DSCAM: variants seen among roughly 807,000 people sequenced by gnomAD.
DSCAM encodes the protein cell adhesion molecule DSCAM.
Under a neutral mutation model 217.7 loss-of-function variants are expected in DSCAM, and 47 were observed. That is an observed-to-expected ratio of 0.22 (90% CI 0.17 to 0.28). DSCAM has a LOEUF of 0.28. Among genes scored for constraint, DSCAM ranks in the 10% least tolerant of loss-of-function variants. The pLI, the probability that DSCAM is intolerant of heterozygous loss-of-function variation, is 1.00. For synonymous variants in DSCAM, 1,056 were observed against 1,015.3 expected, an observed-to-expected ratio of 1.04 and a Z score of -0.76; for missense variants, 2,080 against 2,618.3, an observed-to-expected ratio of 0.79 and a Z score of 4.49.
At chr21:40,780,241 C>T (rs946722732) in intron 1 of DSCAM, among the ~76,000 whole-genome samples, 2 of 152,082 alleles carry the variant, frequency 1.3e-5, no homozygotes, top group East Asian at 3.9e-4. Context: ...TTCTTTCTAT[C>T]AGAAGCTAAG....
At chr21:40,465,135 C>T (rs80239126) in intron 3 of DSCAM, among the ~76,000 whole-genome samples, 184 of 152,190 alleles carry the variant, frequency 1.2e-3, no homozygotes, top group East Asian at 0.011. Context: ...TCCCAATTCC[C>T]TTCATGTACA....
At chr21:40,511,959 C>T (rs1255429553) in intron 3 of DSCAM, among the ~76,000 whole-genome samples, 3 of 127,154 alleles carry the variant, frequency 2.4e-5, no homozygotes, top group African/African-American at 6.3e-5. Flanking sequence ...CCACTGCACT[C>T]CAGCCTGGGC....
chr21:40,315,760 C>T (rs958209173), intron 8 of DSCAM, among the ~76,000 whole-genome samples: 4 of 152,190 alleles, frequency 2.6e-5, no homozygotes, highest in Non-Finnish European at 5.9e-5. Context: ...ACACATCACT[C>T]CAAGGATAAT....
intron 3 of DSCAM, among the ~76,000 whole-genome samples, chr21:40,679,490 G>A (rs989350970): frequency 1.8e-4 from 27 of 152,160 alleles, no homozygotes; most frequent in Non-Finnish European, 3.2e-4. Context: ...AAGTGGGGCC[G>A]ACAAAAGCAA....
chr21:40,507,317 C>T (rs919131294), intron 3 of DSCAM, among the ~76,000 whole-genome samples: 3 of 151,986 alleles, frequency 2.0e-5, no homozygotes, highest in Non-Finnish European at 4.4e-5. Flanking sequence ...AAAACAGCCG[C>T]AACTATTCAA....
chr21:40,067,842 A>G (rs1009656200), intron 27 of DSCAM, among the ~76,000 whole-genome samples: 2 of 150,436 alleles, frequency 1.3e-5, no homozygotes, highest in African/African-American at 4.9e-5. Flanking sequence ...TTCTCCTGGT[A>G]CACATCAAGC....
chr21:40,249,228 C>CA (rs1444139839), intron 11 of DSCAM, among the ~76,000 whole-genome samples: 2 of 152,150 alleles, frequency 1.3e-5, no homozygotes, highest in Non-Finnish European at 2.9e-5. Flanking sequence ...TGTTCCCACC[C>CA]AAATCTCATC....
chr21:40,102,390 G>T lies in DSCAM; in HGVS notation c.3697-8516C>A, dbSNP rs185441901. On this transcript the variant is annotated intron_variant, in intron 20 of 32. Coordinates refer to ENST00000400454, the MANE Select transcript of DSCAM (RefSeq NM_001389.5). ...AAGCCAGAGCGTTCACATTTCAAGCGTTTTGTCTTTGTATGTTACTGCTTT... is the reference window on the plus strand; with the variant it reads ...AAGCCAGAGCGTTCACATTTCAAGCTTTTTGTCTTTGTATGTTACTGCTTT... 2.0e-5 allele frequency among the ~76,000 whole-genome samples: 3 copies of T among 152,172 alleles called. No homozygotes were observed. The South Asian group carries it at 6.2e-4, about 32-fold the overall frequency.
At chr21:40,084,067 A>C in intron 23 of DSCAM, 61 bp from the exon 24 acceptor site, 2 of 1,376,252 alleles carry the variant, frequency 1.5e-6, no homozygotes, top group South Asian at 1.3e-5. Flanking sequence ...AACTTTCCTG[A>C]ACAGTCATTT....
At chr21:40,196,248 C>T (rs1003000185) in intron 11 of DSCAM, among the ~76,000 whole-genome samples, 2 of 152,128 alleles carry the variant, frequency 1.3e-5, no homozygotes, top group African/African-American at 4.8e-5. Context: ...GGCCTGGGAG[C>T]AGAGAATCTG....
chr21:40,717,182 CT>C (rs1568999888), intron 1 of DSCAM, among the ~76,000 whole-genome samples: 1 of 152,212 alleles, frequency 6.6e-6, no homozygotes, highest in Non-Finnish European at 1.5e-5. Flanking sequence ...TCTTCAGCAC[CT>C]ACCATGTATC....
At chr21:40,023,231 C>T (rs2088309357) in intron 32 of DSCAM, among the ~76,000 whole-genome samples, 1 of 152,102 alleles carries the variant, frequency 6.6e-6, no homozygotes. Context: ...CATAGTGTTC[C>T]ATGGTGTATA....
chr21:40,040,861 G>C, intron 32 of DSCAM, among the ~76,000 whole-genome samples: 1 of 152,058 alleles, frequency 6.6e-6, no homozygotes, highest in East Asian at 1.9e-4. Context: ...CTGAAGAGCT[G>C]CAGAAAGTCA....
intron 3 of DSCAM, among the ~76,000 whole-genome samples, chr21:40,425,764 A>G (rs2075468673): frequency 6.6e-6 from 1 of 152,030 alleles, no homozygotes; most frequent in Non-Finnish European, 1.5e-5. Flanking sequence ...ATTCTAAAGA[A>G]TATATTTACT....
chr21:40,125,875 C>T (rs2146673109), intron 19 of DSCAM, among the ~76,000 whole-genome samples: 1 of 152,268 alleles, frequency 6.6e-6, no homozygotes, highest in East Asian at 1.9e-4. Context: ...CTAGTAGACA[C>T]CCCAGCTTAG....
chr21:40,517,977 T>C (rs1042453123), intron 3 of DSCAM, among the ~76,000 whole-genome samples: 2 of 152,064 alleles, frequency 1.3e-5, no homozygotes, highest in African/African-American at 2.4e-5. Context: ...TGCCAACCTC[T>C]GGGTCCCATG....
At chr21:40,477,201 A>G (rs1054284397) in intron 3 of DSCAM, among the ~76,000 whole-genome samples, 2 of 152,200 alleles carry the variant, frequency 1.3e-5, no homozygotes, top group African/African-American at 4.8e-5. Flanking sequence ...TCACAAATAA[A>G]GAGGAATATG....
intron 2 of DSCAM, among the ~76,000 whole-genome samples, chr21:40,695,882 T>C (rs902754476): frequency 3.3e-5 from 5 of 152,270 alleles, no homozygotes; most frequent in South Asian, 4.2e-4. Flanking sequence ...TAATAGAGCA[T>C]TGTTTGTTCC....
intron 18 of DSCAM, among the ~76,000 whole-genome samples, chr21:40,138,394 G>T (rs997225111): frequency 1.5e-5 from 2 of 132,160 alleles, no homozygotes; most frequent in East Asian, 6.2e-4. Context: ...GTGATGTGTG[G>T]TGTGGTGAGT....
Sources: gnomAD v4.1 joint callset for allele counts (sites outside exome capture counted in the v4.1 genomes callset) on GRCh38, gnomAD v4.1.1 for gene constraint, MANE v1.5 for transcripts, NCBI Gene and HGNC (gene_info 2026-07-23, HGNC 2026-07-21) for gene names.